Variants in ATP2A2 observed in about 807,000 individuals in gnomAD.
ATP2A2 encodes sarcoplasmic/endoplasmic reticulum calcium ATPase 2.
In ATP2A2, 14 loss-of-function variants were observed where a neutral mutation model predicts 109.3. The observed-to-expected ratio is 0.13, with a 90% CI of 0.08 to 0.20. The LOEUF (loss-of-function observed/expected upper bound fraction) is 0.20, where lower values mean the gene tolerates loss of function less well. Among genes scored for constraint, ATP2A2 ranks in the 10% least tolerant of loss-of-function variants. The pLI is 1.00. For missense variants in ATP2A2, 657 were observed against 1,321.6 expected (o/e 0.50, Z 7.80); for synonymous variants, 506 against 490.9 (o/e 1.03, Z -0.41).
chr12:110,302,347 CA>C (rs991458955), intron 5 of ATP2A2, among the ~76,000 whole-genome samples: 1 of 151,322 alleles, frequency 6.6e-6, no homozygotes, highest in African/African-American at 2.4e-5. Context: ...ATTTAATATT[CA>C]AAAAAAACCT....
intron 4 of ATP2A2, among the ~76,000 whole-genome samples, chr12:110,294,563 G>A (rs1209995505): frequency 6.6e-6 from 1 of 152,008 alleles, no homozygotes; most frequent in African/African-American, 2.4e-5. Context: ...GCTGAGGCAG[G>A]GCTTGAACCT....
intron 4 of ATP2A2, among the ~76,000 whole-genome samples, chr12:110,294,243 C>T (rs1439499025): frequency 6.6e-6 from 1 of 152,076 alleles, no homozygotes; most frequent in African/African-American, 2.4e-5. Flanking sequence ...CGGGGTTTCA[C>T]CGTGTTAGCC....
intron 5 of ATP2A2, among the ~76,000 whole-genome samples, chr12:110,301,285 A>G (rs1874610345): frequency 6.6e-6 from 1 of 152,214 alleles, no homozygotes; most frequent in Non-Finnish European, 1.5e-5. Context: ...AGAGGAAACT[A>G]CAACTGTGAT....
chr12:110,307,358 G>GC, intron 5 of ATP2A2, among the ~76,000 whole-genome samples: 1 of 151,552 alleles, frequency 6.6e-6, no homozygotes, highest in East Asian at 1.9e-4. Context: ...AGCCTTCCAG[G>GC]TTAGCTGGGA....
At chr12:110,306,916 G>A (rs758243895) in intron 5 of ATP2A2, among the ~76,000 whole-genome samples, 2 of 151,740 alleles carry the variant, frequency 1.3e-5, no homozygotes, top group Non-Finnish European at 2.9e-5. Flanking sequence ...TGCCCACCAC[G>A]CCCAACTAAT....
chr12:110,343,283 G>T lies in ATP2A2; in HGVS notation c.2370G>T (p.Gln790His), dbSNP rs1423789845. The T allele has an allele frequency of 6.2e-7, 1 of 1,614,088 alleles. No homozygotes were observed. The highest frequency in any genetic ancestry group is 8.5e-7 in the Non-Finnish European group (1 of 1,180,042). Residue 790 changes from glutamine (Q) to histidine (H), a missense_variant, in exon 16 of 20, where the codon CAG becomes CAT. Physicochemically the swap from Gln to His is conservative, Grantham distance 24 (BLOSUM62 0). This residue lies in a region of ATP2A2 where 50 missense variants were observed against 176.9 expected (regional missense o/e 0.28). Coordinates refer to ENST00000539276, the MANE Select transcript of ATP2A2 (RefSeq NM_170665.4). ...TTCCCGAGGCTTTGATTCCTGTTCA[G>T]CTGCTCTGGGTCAATCTGGTGACAG... ...LGFPEALIPVQLLWVNLVTDG... is the reference protein window; with the variant it reads ...LGFPEALIPVHLLWVNLVTDG...
chr12:110,297,247 G>C (rs964723503), intron 5 of ATP2A2, among the ~76,000 whole-genome samples: 3 of 151,928 alleles, frequency 2.0e-5, no homozygotes, highest in African/African-American at 7.3e-5. Context: ...AGACCACCCT[G>C]GCCAACATGA....
chr12:110,328,290 C>G (rs1877999988), intron 8 of ATP2A2, among the ~76,000 whole-genome samples: 1 of 150,378 alleles, frequency 6.6e-6, no homozygotes, highest in Non-Finnish European at 1.5e-5. Flanking sequence ...AAAAAAAAAG[C>G]CTGGGCGCAG....
chr12:110,329,717 C>T (rs181536640), intron 8 of ATP2A2: 31 of 152,284 alleles, frequency 2.0e-4, no homozygotes, highest in Non-Finnish European at 3.4e-4. Context: ...CCCCCGCGCC[C>T]GGCCATCCTA....
rs1879178718 is a variant in ATP2A2, at chr12:110,339,810, T to C, written c.1761+89T>C. 10 of 1,404,568 alleles carry C rather than the reference T, an allele frequency of 7.1e-6. No homozygotes were observed. The highest frequency in any genetic ancestry group is 8.9e-6 in the Non-Finnish European group (9 of 1,005,862). 87.0% of individuals were successfully genotyped at this position (1,404,568 alleles called of 1,614,324 possible). A position where few individuals can be genotyped will look rare whatever the true frequency, so the allele number is the denominator to read the frequency against. On this transcript the variant is annotated intron_variant, in intron 13 of 19. Transcript: ENST00000539276. This position sits in a 1 kb window ranked among gnomAD's most constrained non-coding sequence, Gnocchi z 4.4. ...CTTCAAGCAAAAGGTCAAACAGTTC[T>C]CACTTTTGCCAAGAAAGAGGTGTGG...
intron 3 of ATP2A2, among the ~76,000 whole-genome samples, chr12:110,287,845 G>A (rs1872822747): frequency 6.6e-6 from 1 of 152,002 alleles, no homozygotes; most frequent in Non-Finnish European, 1.5e-5. Context: ...CCAGCTCCTG[G>A]CCTTAGGTGA....
At position 110,349,476 on chromosome 12, in the gene ATP2A2, C is replaced by T; in HGVS notation, c.*3006C>T. On this transcript the variant is annotated 3_prime_UTR_variant, in exon 20 of 20. Coordinates refer to ENST00000539276, the MANE Select transcript of ATP2A2 (RefSeq NM_170665.4). ...ACAATCATACATACCCTAACTGGGA[C>T]ACCACTCTGCAGAATGCAGATGATC... 3.0e-6 allele frequency: 3 copies of T among 985,582 alleles called. No homozygotes were observed. The highest frequency in any genetic ancestry group is 6.1e-5 in the Admixed American group (1 of 16,304). 61.1% of individuals were successfully genotyped at this position (985,582 alleles called of 1,614,324 possible).
chr12:110,347,093 TTCTGTTTACATCAG>T lies in ATP2A2; in HGVS notation c.*625_*638del. On this transcript the variant is annotated 3_prime_UTR_variant, in exon 20 of 20. Transcript: ENST00000539276. Reference sequence around the variant, plus strand: ...TCTTCTTTAGGATTGTGATGGTTCGTTCTGTTTACATCAGTTTTAACGAGAGGTATGCCTGTACT... The same window carrying T: ...TCTTCTTTAGGATTGTGATGGTTCGTTTTTAACGAGAGGTATGCCTGTACT... 1.8e-6 allele frequency: 2 copies of T among 1,113,306 alleles called. No homozygotes were observed. Among genetic ancestry groups the T allele is most frequent in the Non-Finnish European group, 2.2e-6 (2 of 908,854 alleles). The allele number at this position is 1,113,306 out of a possible 1,614,324, so 69.0% of individuals were successfully genotyped here. A position where few individuals can be genotyped will look rare whatever the true frequency, so the allele number is the denominator to read the frequency against.
Position 110,348,494 on chromosome 12 carries a change from C to A in ATP2A2, c.*2024C>A, listed in dbSNP as rs2137883027. ...GAGTTTGGGGAGGGTTAGGAGGCAT[C>A]AAGCAGGACAAGGTGCTGCTGAGTT... On this transcript the variant is annotated 3_prime_UTR_variant, in exon 20 of 20. Transcript: ENST00000539276. 4.1e-6 allele frequency: 4 copies of A among 985,516 alleles called. No individual in the cohort carries two copies. The African/African-American group carries it at 7.0e-5, about 17-fold the overall frequency. The allele number at this position is 985,516 out of a possible 1,614,324, so 61.0% of individuals were successfully genotyped here.
Position 110,347,019 on chromosome 12 carries a change from A to ACCCCCC in ATP2A2, c.*553_*554insCCCCCC. The stretch of plus-strand genomic sequence containing the variant: ...CCCTCACCCACTTTGGCCTCCGTTC[A>ACCCCCC]CCCCACCCCACCCCACCTCTCCCCA... On this transcript the variant is annotated 3_prime_UTR_variant, in exon 20 of 20. Transcript: ENST00000539276. 1 of 1,080,426 alleles carries ACCCCCC rather than the reference A, an allele frequency of 9.3e-7. No homozygotes were observed. The highest frequency in any genetic ancestry group is 1.1e-6 in the Non-Finnish European group (1 of 887,066). 66.9% of individuals were successfully genotyped at this position (1,080,426 alleles called of 1,614,324 possible).
intron 5 of ATP2A2, among the ~76,000 whole-genome samples, chr12:110,297,402 C>T (rs1304823380): frequency 6.8e-6 from 1 of 146,118 alleles, no homozygotes; most frequent in East Asian, 2.1e-4. Context: ...CACCACTGCA[C>T]TCCATCTTGA....
In ATP2A2 at chr12:110,346,032, C is replaced by T. The variant is rs866873585; in HGVS notation, c.2773C>T (p.Pro925Ser). The part of the protein sequence containing the change: ...LSENQSLLRM[P>S]PWENIWLVGS... Reference sequence around the variant, plus strand: ...CGAAAACCAGTCCTTGCTGAGGATGCCCCCCTGGGAGAACATCTGGCTCGT... The same window carrying T: ...CGAAAACCAGTCCTTGCTGAGGATGTCCCCCTGGGAGAACATCTGGCTCGT... The change falls in exon 19 of 20, where the codon CCC becomes TCC. Residue 925 changes from proline (P) to serine (S), a missense_variant. This residue lies in a region of ATP2A2 where 125 missense variants were observed against 243.5 expected (regional missense o/e 0.51). Transcript: ENST00000539276. The T allele has an allele frequency of 1.2e-6, 2 of 1,614,142 alleles. No individual in the cohort carries two copies. The highest frequency in any genetic ancestry group is 1.7e-6 in the Non-Finnish European group (2 of 1,180,028).
At chr12:110,345,187 G>C in intron 17 of ATP2A2, 62 bp from the exon 18 acceptor site, 1 of 1,612,860 alleles carries the variant, frequency 6.2e-7, no homozygotes, top group Non-Finnish European at 8.5e-7. Context: ...TTGGTATGGG[G>C]TTGGAGCCTG....
At chr12:110,312,557 A>G (rs1481415491) in intron 5 of ATP2A2, among the ~76,000 whole-genome samples, 5 of 151,958 alleles carry the variant, frequency 3.3e-5, no homozygotes, top group African/African-American at 1.2e-4. Context: ...AGTTTTGAAA[A>G]CTGAAGTACA....
Sources: allele counts gnomAD v4.1 joint callset (sites outside exome capture counted in the v4.1 genomes callset), GRCh38; gene constraint gnomAD v4.1.1; regional missense constraint gnomAD v4.1.1; non-coding constraint Gnocchi (gnomAD v3.1); transcripts MANE v1.5; gene names NCBI Gene and HGNC (gene_info 2026-07-23, HGNC 2026-07-21).